WDR88: variants seen among roughly 807,000 people sequenced by gnomAD.
WDR88 encodes the protein WD repeat-containing protein 88.
Under a neutral mutation model 46.8 loss-of-function variants are expected in WDR88, and 40 were observed. The ratio of observed to expected loss-of-function variants is 0.86; its 90% CI spans 0.66 to 1.11. WDR88 has a LOEUF of 1.11. Among genes scored for constraint, WDR88 ranks in the 50% most tolerant of loss-of-function variants. The pLI is 0.00. For synonymous variants in WDR88, 235 were observed against 240.7 expected (o/e 0.98, Z 0.22); for missense variants, 562 against 602.4 (o/e 0.93, Z 0.70).
intron 10 of WDR88, chr19:33,174,782 C>G: frequency 1.0e-6 from 1 of 985,444 alleles, no homozygotes; most frequent in Non-Finnish European, 1.2e-6. Context: ...TGTCAAGGGG[C>G]TTGCCACGCA....
At chr19:33,162,586 C>T (rs1973887496) in intron 8 of WDR88, among the ~76,000 whole-genome samples, 1 of 152,042 alleles carries the variant, frequency 6.6e-6, no homozygotes, top group Non-Finnish European at 1.5e-5. Context: ...ATCGAGTTTG[C>T]AGTTATTGGA....
intron 9 of WDR88, among the ~76,000 whole-genome samples, chr19:33,166,416 C>G (rs775033873): frequency 6.6e-6 from 1 of 151,384 alleles, no homozygotes; most frequent in African/African-American, 2.4e-5. Context: ...GTGGCAAAAC[C>G]CTGTCTCTAT....
In WDR88 at chr19:33,137,772, C is replaced by T. The variant is rs1973304757; in HGVS notation, c.372C>T (p.Cys124=). Residue 124 remains cysteine (C), a synonymous_variant, in exon 2 of 11, where the codon TGC becomes TGT. Transcript: ENST00000355868. ...AGCTCCTCAGTGGCTCCTATGACTG[C>T]ACTGTGAAGCTGTGGGTAGGTGGCC... ...DTKLLSGSYD[C]TVKLWDPVDG... The T allele has an allele frequency of 1.2e-6, 2 of 1,613,172 alleles. No individual in the cohort carries two copies. The highest frequency in any genetic ancestry group is 1.8e-4 in the Middle Eastern group (1 of 5,564).
At chr19:33,134,067 GA>G (rs1973196034) in intron 1 of WDR88, among the ~76,000 whole-genome samples, 1 of 152,236 alleles carries the variant, frequency 6.6e-6, no homozygotes. Context: ...GCTACGCATA[GA>G]AGAACCGTTT....
Position 33,148,849 on chromosome 19 carries a change from C to T in WDR88, c.618C>T (p.Asp206=), listed in dbSNP as rs141262115. ...PDGKYVVSGF[D]VDHGICIMDA... ...GTAAATACGTGGTCTCAGGCTTCGACGTGGATCATGGAATCTGCATAATGG... is the reference window on the plus strand; with the variant it reads ...GTAAATACGTGGTCTCAGGCTTCGATGTGGATCATGGAATCTGCATAATGG... Residue 206 remains aspartate (D), a synonymous_variant, in exon 5 of 11, where the codon GAC becomes GAT. Transcript: ENST00000355868. 38 of 1,614,076 alleles carry T rather than the reference C, an allele frequency of 2.4e-5. No individual in the cohort carries two copies. Among genetic ancestry groups the T allele is most frequent in the Admixed American group, 2.2e-4 (13 of 60,000 alleles).
At chr19:33,141,954 T>G (rs1400331354) in intron 2 of WDR88, among the ~76,000 whole-genome samples, 2 of 152,198 alleles carry the variant, frequency 1.3e-5, no homozygotes, top group Non-Finnish European at 1.5e-5. Flanking sequence ...GTGCTGGGAT[T>G]ACAGGCATGA....
At chr19:33,159,428 C>A (rs1973825405) in intron 7 of WDR88, among the ~76,000 whole-genome samples, 1 of 151,998 alleles carries the variant, frequency 6.6e-6, no homozygotes, top group African/African-American at 2.4e-5. Context: ...GTGCTGTTTG[C>A]CGTTCCTAAG....
chr19:33,146,873 G>A (rs1973529290), intron 3 of WDR88, among the ~76,000 whole-genome samples: 1 of 152,054 alleles, frequency 6.6e-6, no homozygotes, highest in Non-Finnish European at 1.5e-5. Context: ...TGATGGAGCA[G>A]TCTTTTAAAG....
Position 33,175,536 on chromosome 19 carries a change from G to A in WDR88, c.1383G>A (p.Glu461=), listed in dbSNP as rs1974109325. 6.2e-7 allele frequency: 1 copy of A among 1,614,216 alleles called. No homozygotes were observed. Among genetic ancestry groups the A allele is most frequent in the Non-Finnish European group, 8.5e-7 (1 of 1,180,036 alleles). Residue 461 remains glutamate (E), a synonymous_variant, in exon 11 of 11, where the codon GAG becomes GAA. Coordinates refer to ENST00000355868, the MANE Select transcript of WDR88 (RefSeq NM_173479.4). The part of the protein sequence containing the change: ...TSSSSSSSER[E]NSPPPRGSKD... ...CGTCATCATCATCATCGGAAAGGGA[G>A]AACTCACCGCCGCCAAGGGGAAGCA... is the stretch of plus-strand genomic sequence containing the variant.
At chr19:33,134,379 G>A (rs985960037) in intron 1 of WDR88, among the ~76,000 whole-genome samples, 2 of 151,918 alleles carry the variant, frequency 1.3e-5, no homozygotes, top group African/African-American at 2.4e-5. Context: ...TTTGTAGAGA[G>A]GGGGAGTCTC....
At chr19:33,152,590 C>T (rs564935289) in intron 6 of WDR88, among the ~76,000 whole-genome samples, 10 of 152,252 alleles carry the variant, frequency 6.6e-5, no homozygotes, top group Admixed American at 4.6e-4. Context: ...TGCATCAGAA[C>T]ATCAGAACTT....
chr19:33,167,748 TCTCTC>T (rs1435029009), intron 9 of WDR88, among the ~76,000 whole-genome samples: 22 of 151,060 alleles, frequency 1.5e-4, no homozygotes, highest in Non-Finnish European at 3.2e-4. Flanking sequence ...TCTTTTCTCT[TCTCTC>T]CTCTCCTCCT....
chr19:33,150,917 T>C (rs1973620799), intron 5 of WDR88, among the ~76,000 whole-genome samples: 1 of 152,234 alleles, frequency 6.6e-6, no homozygotes, highest in Admixed American at 6.5e-5. Context: ...CATCTCATGA[T>C]CTGTGGCATG....
Position 33,142,264 on chromosome 19 carries a change from G to T in WDR88, c.388-2580G>T, listed in dbSNP as rs114532260. Among the ~76,000 whole-genome samples, 249 of 152,176 alleles carry T rather than the reference G, an allele frequency of 1.6e-3. 1 individual carries two copies. The highest frequency in any genetic ancestry group is 5.8e-3 in the African/African-American group (239 of 41,532). On this transcript the variant is annotated intron_variant, in intron 2 of 10. Coordinates refer to ENST00000355868, the MANE Select transcript of WDR88 (RefSeq NM_173479.4). ...GGGGAGGAGACAGGTCTCTGGAGTGGCAGCCAATGGGACCAGCTAAGGCAG... is the reference window on the plus strand; with the variant it reads ...GGGGAGGAGACAGGTCTCTGGAGTGTCAGCCAATGGGACCAGCTAAGGCAG...
chr19:33,169,144 A>G (rs575968076), intron 9 of WDR88, among the ~76,000 whole-genome samples: 60 of 152,334 alleles, frequency 3.9e-4, no homozygotes, highest in African/African-American at 1.4e-3. Flanking sequence ...CCCTTAGAAG[A>G]AAACAGTGGA....
At chr19:33,174,745 C>G in intron 10 of WDR88, 1 of 985,380 alleles carries the variant, frequency 1.0e-6, no homozygotes, top group South Asian at 4.7e-5. Flanking sequence ...ATGGATGGGG[C>G]GGGACACTCA....
At chr19:33,147,180 T>C (rs961525193) in intron 3 of WDR88, among the ~76,000 whole-genome samples, 3 of 151,520 alleles carry the variant, frequency 2.0e-5, no homozygotes, top group African/African-American at 2.4e-5. Context: ...AAGGTGGCAG[T>C]GAGCTAGGAT....
At chr19:33,157,965 G>C (rs540219124) in intron 7 of WDR88, among the ~76,000 whole-genome samples, 168 of 151,878 alleles carry the variant, frequency 1.1e-3, no homozygotes, top group Non-Finnish European at 1.9e-3. Context: ...GCAGAGCTAG[G>C]GTTGGGGTCA....
intron 1 of WDR88, 44 bp downstream of exon 1, chr19:33,132,489 A>G (rs1973148923): frequency 6.3e-7 from 1 of 1,599,060 alleles, no homozygotes; most frequent in African/African-American, 1.3e-5. Flanking sequence ...CCTGTTCCCC[A>G]CACGGGAGGA....
Sources: allele counts gnomAD v4.1 joint callset (sites outside exome capture counted in the v4.1 genomes callset), GRCh38; gene constraint gnomAD v4.1.1; transcripts MANE v1.5; gene names NCBI Gene and HGNC (gene_info 2026-07-23, HGNC 2026-07-21).